The following GATAD1 variants were observed in gnomAD, a reference collection of about 807,000 sequenced individuals.
GATAD1 encodes GATA zinc finger domain containing 1, also known as GATA zinc finger domain-containing protein 1.
GATAD1 carries 12 observed loss-of-function variants against 26.5 expected under a neutral mutation model. That is an observed-to-expected ratio of 0.45 (90% CI 0.29 to 0.73). The LOEUF (loss-of-function observed/expected upper bound fraction) is 0.73, where lower values mean the gene tolerates loss of function less well. Ranked by LOEUF, GATAD1 falls within the 30% of genes least tolerant of loss-of-function variation. GATAD1 has a pLI of 0.10. For missense variants in GATAD1, 266 were observed against 342.1 expected (o/e 0.78, Z 1.75); for synonymous variants, 129 against 133.1 (o/e 0.97, Z 0.21).
In GATAD1 at chr7:92,447,721, C is replaced by T. The variant is rs1027875380; in HGVS notation, c.-9C>T. ...TCTGCGCCCGCGGGGGCCGCCCGAG[C>T]CGGCCACCATGCCGCTGGGCCTGAA... On this transcript the variant is annotated 5_prime_UTR_variant, in exon 1 of 5. Coordinates refer to ENST00000287957, the MANE Select transcript of GATAD1 (RefSeq NM_021167.5). 11 of 1,459,238 alleles carry T rather than the reference C, an allele frequency of 7.5e-6. No individual in the cohort carries two copies. In the Admixed American group the frequency reaches 1.4e-4, roughly 18 times the overall value. 90.4% of individuals were successfully genotyped at this position (1,459,238 alleles called of 1,614,324 possible).
chr7:92,487,680 G>A, the GATAD1 span: 1 of 465,326 alleles, frequency 2.1e-6, no homozygotes, highest in East Asian at 3.3e-5. Flanking sequence ...TCCAGTCACA[G>A]AAATTAAAAA....
intron 3 of GATAD1, among the ~76,000 whole-genome samples, chr7:92,452,247 C>G (rs1789468629): frequency 6.6e-6 from 1 of 152,154 alleles, no homozygotes; most frequent in Non-Finnish European, 1.5e-5. Flanking sequence ...TTGTGACTGT[C>G]TGTACTTTCG....
chr7:92,486,084 T>G, the GATAD1 span, among the ~76,000 whole-genome samples: 4 of 152,146 alleles, frequency 2.6e-5, no homozygotes, highest in South Asian at 8.3e-4. Flanking sequence ...TGGCCAAGAG[T>G]GCAGGGATGT....
chr7:92,491,142 G>C, the GATAD1 span: 2 of 675,344 alleles, frequency 3.0e-6, no homozygotes, highest in Non-Finnish European at 5.3e-6. Flanking sequence ...CAAGAAACAA[G>C]ACTATTTTAC....
the GATAD1 span, chr7:92,489,929 G>C: frequency 6.3e-7 from 1 of 1,599,302 alleles, no homozygotes; most frequent in African/African-American, 1.3e-5. Flanking sequence ...GTAAATTGTA[G>C]TAATGAAAGA....
rs876657812 is a variant in GATAD1 at position 92,447,892 on chromosome 7, A to AGCG, written c.175_177dup (p.Gly59dup). 157 of 1,266,712 alleles carry AGCG rather than the reference A, an allele frequency of 1.2e-4. No individual in the cohort carries two copies. The African/African-American group carries it at 1.8e-3, about 15-fold the overall frequency. 78.5% of individuals were successfully genotyped at this position (1,266,712 alleles called of 1,614,324 possible). The stretch of plus-strand genomic sequence containing the variant: ...GGGGGCGGCTGGAGGGACTGGGGGC[A>AGCG]GCGGCGGCGGCGGCTTCGGCGCGGC... On this transcript the variant is annotated inframe_insertion, in exon 1 of 5. Coordinates refer to ENST00000287957, the MANE Select transcript of GATAD1 (RefSeq NM_021167.5).
rs988478105 is a variant in GATAD1 at position 92,447,886 on chromosome 7, G to A, written c.157G>A (p.Gly53Arg). 2.3e-6 allele frequency: 3 copies of A among 1,279,020 alleles called. No homozygotes were observed. The allele number at this position is 1,279,020 out of a possible 1,614,324, so 79.2% of individuals were successfully genotyped here. A position where few individuals can be genotyped will look rare whatever the true frequency, so the allele number is the denominator to read the frequency against. The stretch of plus-strand genomic sequence containing the variant: ...AGGCTCGGGGGCGGCTGGAGGGACT[G>A]GGGGCAGCGGCGGCGGCGGCTTCGG... ...GAGSGAAGGT[G>R]GSGGGGFGAA... Residue 53 changes from glycine to arginine, a missense_variant, in exon 1 of 5, where the codon GGG becomes AGG. Coordinates refer to ENST00000287957, the MANE Select transcript of GATAD1 (RefSeq NM_021167.5).
At chr7:92,469,803 G>T in the GATAD1 span, 1 of 767,216 alleles carries the variant, frequency 1.3e-6, no homozygotes, top group Non-Finnish European at 2.4e-6. Flanking sequence ...ATGGCCTGAA[G>T]TTCAGGGGGA....
the GATAD1 span, chr7:92,470,104 T>G: frequency 1.3e-6 from 1 of 778,792 alleles, no homozygotes; most frequent in African/African-American, 1.7e-5. Context: ...ACAACTAGGA[T>G]TAATCATTTT....
At chr7:92,471,998 C>G in the GATAD1 span, 1 of 152,140 alleles carries the variant, frequency 6.6e-6, no homozygotes, top group Non-Finnish European at 1.5e-5. Context: ...TATCACTGAC[C>G]ACTGCATACC....
At chr7:92,448,977 A>G (rs746992441) in intron 2 of GATAD1, 100 bp downstream of exon 2, 69 of 1,290,286 alleles carry the variant, frequency 5.3e-5, no homozygotes, top group Non-Finnish European at 7.3e-5. Context: ...TGCCCTTGGT[A>G]GCCCTTCCTT....
the GATAD1 span, among the ~76,000 whole-genome samples, chr7:92,484,270 A>T: frequency 6.6e-5 from 10 of 152,254 alleles, no homozygotes; most frequent in African/African-American, 2.4e-4. Context: ...AGGGAGAAGA[A>T]GGGGGAATGG....
rs1278081557 is a variant in GATAD1 at position 92,457,159 on chromosome 7, C to T, written c.*597C>T. 6.5e-5 allele frequency: 7 copies of T among 107,058 alleles called. No individual in the cohort carries two copies. The highest frequency in any genetic ancestry group is 2.9e-4 in the South Asian group (1 of 3,418). 6.6% of individuals were successfully genotyped at this position (107,058 alleles called of 1,614,324 possible). A position where few individuals can be genotyped will look rare whatever the true frequency, so the allele number is the denominator to read the frequency against. ...GGGCAACAGAGTGAGACTCTTGTCT[C>T]GGAAAAAAAAAAAAAAAAAAAAGGC... On this transcript the variant is annotated 3_prime_UTR_variant, in exon 5 of 5. Coordinates refer to ENST00000287957, the MANE Select transcript of GATAD1 (RefSeq NM_021167.5).
Position 92,454,557 on chromosome 7 carries a change from A to G in GATAD1, c.491A>G (p.Lys164Arg), listed in dbSNP as rs1789584366. 2 of 1,612,996 alleles carry G rather than the reference A, an allele frequency of 1.2e-6. No homozygotes were observed. The highest frequency in any genetic ancestry group is 1.3e-5 in the African/African-American group (1 of 74,914). ...TCTGTGATTGATGAACAAGATGGAAAGCCCTACTATGCTCAAATCAGAGGT... is the reference window on the plus strand; with the variant it reads ...TCTGTGATTGATGAACAAGATGGAAGGCCCTACTATGCTCAAATCAGAGGT... ...VVSVIDEQDGKPYYAQIRGFI... is the reference protein window; with the variant it reads ...VVSVIDEQDGRPYYAQIRGFI... Residue 164 changes from lysine (K) to arginine (R), a missense_variant, in exon 4 of 5, where the codon AAG becomes AGG. Physicochemically the swap from Lys to Arg is conservative, Grantham distance 26. Coordinates refer to ENST00000287957, the MANE Select transcript of GATAD1 (RefSeq NM_021167.5).
the GATAD1 span, chr7:92,487,449 A>C: frequency 6.8e-7 from 1 of 1,471,452 alleles, no homozygotes; most frequent in East Asian, 2.3e-5. Flanking sequence ...ATCAAAAAGA[A>C]GTATATTTTA....
intron 4 of GATAD1, 36 bp downstream of exon 4, chr7:92,454,721 T>A (rs767704409): frequency 1.2e-4 from 160 of 1,386,088 alleles, no homozygotes; most frequent in Non-Finnish European, 1.5e-4. Flanking sequence ...TTTTTTTAAC[T>A]TAGTTAACTC....
At chr7:92,478,888 A>G in the GATAD1 span, among the ~76,000 whole-genome samples, 2 of 152,120 alleles carry the variant, frequency 1.3e-5, no homozygotes, top group African/African-American at 4.8e-5. Flanking sequence ...CAGATAATTC[A>G]TGTGTTTTCA....
the GATAD1 span, among the ~76,000 whole-genome samples, chr7:92,491,898 G>A: frequency 3.9e-5 from 6 of 152,146 alleles, no homozygotes; most frequent in African/African-American, 9.7e-5. Flanking sequence ...AAGGGAGAGG[G>A]AAGAACTTCA....
At chr7:92,493,926 C>A in the GATAD1 span, 1 of 266,286 alleles carries the variant, frequency 3.8e-6, no homozygotes. Context: ...TCTATGAAAC[C>A]TGCTTACATG....
Sources: gnomAD v4.1 joint callset for allele counts (sites outside exome capture counted in the v4.1 genomes callset) on GRCh38, gnomAD v4.1.1 for gene constraint, MANE v1.5 for transcripts, NCBI Gene and HGNC (gene_info 2026-07-23, HGNC 2026-07-21) for gene names.